The following ATXN10 variants were observed in gnomAD, a reference collection of about 807,000 sequenced individuals.
ATXN10 encodes the protein ataxin-10.
Under a neutral mutation model 52.9 loss-of-function variants are expected in ATXN10, and 28 were observed. The observed-to-expected ratio is 0.53, with a 90% CI of 0.39 to 0.73. The LOEUF (loss-of-function observed/expected upper bound fraction) is 0.73, where lower values mean the gene tolerates loss of function less well. ATXN10 is among the 30% of genes least tolerant of loss of function. ATXN10 has a pLI of 0.00. For missense variants in ATXN10, 565 were observed against 577.0 expected (o/e 0.98, Z 0.21); for synonymous variants, 226 against 221.5 (o/e 1.02, Z -0.18).
At chr22:45,730,228 C>G (rs1195612970) in intron 7 of ATXN10, among the ~76,000 whole-genome samples, 1 of 151,446 alleles carries the variant, frequency 6.6e-6, no homozygotes, top group Admixed American at 6.6e-5. Flanking sequence ...CCTATAGACC[C>G]AGCTACTTGG....
chr22:45,806,983 T>C lies in ATXN10; in HGVS notation c.1198T>C (p.Leu400=). 3 of 1,614,064 alleles carry C rather than the reference T, an allele frequency of 1.9e-6. No individual in the cohort carries two copies. The highest frequency in any genetic ancestry group is 2.5e-6 in the Non-Finnish European group (3 of 1,179,904). ...DKVNELDGIP[L]ILDNCNISDS... ...GGTAAATGAGCTGGATGGTATCCCG[T>C]TGATCCTGGACAACTGCAACATCAG... is the stretch of plus-strand genomic sequence containing the variant. The change falls in exon 10 of 12, where the codon TTG becomes CTG. Residue 400 remains leucine, a synonymous_variant. Transcript: ENST00000252934.
rs567122345 is a variant in ATXN10, at chr22:45,825,765, G to T, written c.1238-17226G>T. Among the ~76,000 whole-genome samples, 1 of 152,172 alleles carries T rather than the reference G, an allele frequency of 6.6e-6. No homozygotes were observed. The highest frequency in any genetic ancestry group is 6.5e-5 in the Admixed American group (1 of 15,276). The stretch of plus-strand genomic sequence containing the variant: ...AAGATGCTCAAGGAACTAAAGGAAC[G>T]TGTGGAAAATCAATAAAACAATATA... On this transcript the variant is annotated intron_variant, in intron 10 of 11. Coordinates refer to ENST00000252934, the MANE Select transcript of ATXN10 (RefSeq NM_013236.4). This position sits in a 1 kb window ranked among gnomAD's most constrained non-coding sequence, Gnocchi z 4.5.
rs1295145945 is a variant in ATXN10, at chr22:45,750,089, A to G, written c.1173+9551A>G. Among the ~76,000 whole-genome samples, 2 of 151,806 alleles carry G rather than the reference A, an allele frequency of 1.3e-5. No individual in the cohort carries two copies. Among genetic ancestry groups the G allele is most frequent in the Non-Finnish European group, 2.9e-5 (2 of 67,936 alleles). On this transcript the variant is annotated intron_variant, in intron 9 of 11. Coordinates refer to ENST00000252934, the MANE Select transcript of ATXN10 (RefSeq NM_013236.4). This position sits in a 1 kb window ranked among gnomAD's most constrained non-coding sequence, Gnocchi z 4.2. The stretch of plus-strand genomic sequence containing the variant: ...GCCATATGATCAATTTTTAGATAAC[A>G]GACGTTTTAATTTAATTTAATTTTA...
At chr22:45,753,096 C>G (rs1404774621) in intron 9 of ATXN10, among the ~76,000 whole-genome samples, 1 of 152,054 alleles carries the variant, frequency 6.6e-6, no homozygotes, top group Non-Finnish European at 1.5e-5. Flanking sequence ...CACTTATTTT[C>G]TCTTGGAGAT....
chr22:45,740,357 T>C lies in ATXN10; in HGVS notation c.1004-12T>C. 1 of 1,613,794 alleles carries C rather than the reference T, an allele frequency of 6.2e-7. No individual in the cohort carries two copies. The highest frequency in any genetic ancestry group is 8.5e-7 in the Non-Finnish European group (1 of 1,179,766). On this transcript the variant is annotated splice_polypyrimidine_tract_variant and intron_variant, in intron 8 of 11. Transcript: ENST00000252934. ...TTTCTGTGGAAAATGAAGTTTACTC[T>C]TTTGGTTATAGATCTTTTGCGGGTG...
At position 45,727,470 on chromosome 22, in the gene ATXN10, C is replaced by T. The variant is rs183247733; in HGVS notation, c.729-1955C>T. ...GCCTCCTGGGTTCAAGTGATTCTTC[C>T]GCCTCAGCCTCCTGAGTAGCTGGAT... On this transcript the variant is annotated intron_variant, in intron 6 of 11. Coordinates refer to ENST00000252934, the MANE Select transcript of ATXN10 (RefSeq NM_013236.4). The surrounding 1 kb of genome is among the most constrained non-coding windows in gnomAD (Gnocchi z 4.6). 1.4e-4 allele frequency among the ~76,000 whole-genome samples: 22 copies of T among 152,080 alleles called. No individual in the cohort carries two copies. Among genetic ancestry groups the T allele is most frequent in the East Asian group, 5.8e-4 (3 of 5,158 alleles).
At chr22:45,740,782 A>G (rs551215729) in intron 9 of ATXN10, 13 of 223,846 alleles carry the variant, frequency 5.8e-5, no homozygotes, top group Admixed American at 5.3e-5. Context: ...ATGTTAATAT[A>G]TAGGCTCTTT....
At chr22:45,808,579 T>C (rs1391915838) in intron 10 of ATXN10, among the ~76,000 whole-genome samples, 1 of 152,234 alleles carries the variant, frequency 6.6e-6, no homozygotes, top group Admixed American at 6.5e-5. Flanking sequence ...TTACACCCAT[T>C]GCCTTATTGA....
chr22:45,754,406 A>T lies in ATXN10; in HGVS notation c.1173+13868A>T, dbSNP rs922057794. Among the ~76,000 whole-genome samples, 2 of 152,232 alleles carry T rather than the reference A, an allele frequency of 1.3e-5. No individual in the cohort carries two copies. The highest frequency in any genetic ancestry group is 6.5e-5 in the Admixed American group (1 of 15,286). ...AATTACTATTGATGACAGCAGTCAC[A>T]GTGACCTTCCATGAATGCCTCCTGC... On this transcript the variant is annotated intron_variant, in intron 9 of 11. Coordinates refer to ENST00000252934, the MANE Select transcript of ATXN10 (RefSeq NM_013236.4). This position sits in a 1 kb window ranked among gnomAD's most constrained non-coding sequence, Gnocchi z 5.4.
chr22:45,812,535 G>A (rs921685066), intron 10 of ATXN10, among the ~76,000 whole-genome samples: 10 of 152,118 alleles, frequency 6.6e-5, no homozygotes, highest in Admixed American at 6.6e-4. Context: ...TCTTTGACTC[G>A]GGTAAATTAA....
chr22:45,793,491 G>T (rs1927590626), intron 9 of ATXN10: 1 of 1,043,382 alleles, frequency 9.6e-7, no homozygotes. Context: ...ATCTCTCACT[G>T]CTCCTTCTGC....
rs548307006 is a variant in ATXN10, at chr22:45,813,953, C to A, written c.1237+6931C>A. Reference sequence around the variant, plus strand: ...TCAACAAAGGCCTCACTGAAGTTCACTGAGAAAAGGATGGTTTTTCTCATA... The same window carrying A: ...TCAACAAAGGCCTCACTGAAGTTCAATGAGAAAAGGATGGTTTTTCTCATA... On this transcript the variant is annotated intron_variant, in intron 10 of 11. Coordinates refer to ENST00000252934, the MANE Select transcript of ATXN10 (RefSeq NM_013236.4). Among the ~76,000 whole-genome samples the A allele has an allele frequency of 1.8e-4, 28 of 152,332 alleles. 1 individual carries two copies. In the South Asian group the frequency reaches 4.6e-3, roughly 25 times the overall value.
In ATXN10 at chr22:45,718,427, C is replaced by T. The variant is rs1237960728; in HGVS notation, c.662C>T (p.Thr221Ile). The change falls in exon 6 of 12, where the codon ACA (threonine) becomes ATA (isoleucine). Residue 221 changes from threonine to isoleucine, a missense_variant. Coordinates refer to ENST00000252934, the MANE Select transcript of ATXN10 (RefSeq NM_013236.4). The surrounding 1 kb of genome is among the most constrained non-coding windows in gnomAD (Gnocchi z 4.4). ...PESEWPFLII[T>I]DLFLKSPELV... ...TTTTTCCCTAGGTTCTTGATTATTA[C>T]AGACCTCTTTCTGAAAAGCCCGGAA... 1 of 1,613,286 alleles carries T rather than the reference C, an allele frequency of 6.2e-7. No individual in the cohort carries two copies. Among genetic ancestry groups the T allele is most frequent in the Non-Finnish European group, 8.5e-7 (1 of 1,179,464 alleles).
intron 9 of ATXN10, among the ~76,000 whole-genome samples, chr22:45,771,430 T>TG (rs1387921919): frequency 6.6e-6 from 1 of 151,016 alleles, no homozygotes; most frequent in Non-Finnish European, 1.5e-5. Context: ...TTTTTTTTTT[T>TG]TCTTGAGATG....
intron 9 of ATXN10, among the ~76,000 whole-genome samples, chr22:45,755,851 A>G (rs1234179639): frequency 6.6e-6 from 1 of 152,162 alleles, no homozygotes; most frequent in Non-Finnish European, 1.5e-5. Flanking sequence ...ATGGGAACAT[A>G]TTATCCCCAT....
rs1399704412 is a variant in ATXN10 at position 45,733,739 on chromosome 22, G to C, written c.894+4149G>C. Among the ~76,000 whole-genome samples, 1 of 150,714 alleles carries C rather than the reference G, an allele frequency of 6.6e-6. No individual in the cohort carries two copies. The highest frequency in any genetic ancestry group is 1.5e-5 in the Non-Finnish European group (1 of 67,796). ...CCATTGCACTTCAGCCTGGGCGACA[G>C]AGCAAGACTCCCATCTTAAAAAAAA... On this transcript the variant is annotated intron_variant, in intron 7 of 11. Transcript: ENST00000252934. The surrounding 1 kb of genome is among the most constrained non-coding windows in gnomAD (Gnocchi z 4.4).
rs1188704720 is a variant in ATXN10 at position 45,828,047 on chromosome 22, A to T, written c.1238-14944A>T. On this transcript the variant is annotated intron_variant, in intron 10 of 11. Coordinates refer to ENST00000252934, the MANE Select transcript of ATXN10 (RefSeq NM_013236.4). The surrounding 1 kb of genome is among the most constrained non-coding windows in gnomAD (Gnocchi z 4.5). ...AGATCAAAGAAGAAATCACAAGGGA[A>T]ATTAGAAAATACTTAGAGGTCAGCT... Among the ~76,000 whole-genome samples, 1 of 152,184 alleles carries T rather than the reference A, an allele frequency of 6.6e-6. No homozygotes were observed. Among genetic ancestry groups the T allele is most frequent in the Admixed American group, 6.5e-5 (1 of 15,280 alleles).
Position 45,812,705 on chromosome 22 carries a change from G to A in ATXN10, c.1237+5683G>A, listed in dbSNP as rs536035768. On this transcript the variant is annotated intron_variant, in intron 10 of 11. Transcript: ENST00000252934. Reference sequence around the variant, plus strand: ...GAGACTAGGAATTAGTGCTGGTGTCGAATATCCACTAATAACACCACCACT... The same window carrying A: ...GAGACTAGGAATTAGTGCTGGTGTCAAATATCCACTAATAACACCACCACT... Among the ~76,000 whole-genome samples, 18 of 152,232 alleles carry A rather than the reference G, an allele frequency of 1.2e-4. No individual in the cohort carries two copies. The South Asian group carries it at 2.7e-3, about 23-fold the overall frequency.
chr22:45,799,912 T>C (rs1037677231), intron 9 of ATXN10, among the ~76,000 whole-genome samples: 18 of 152,166 alleles, frequency 1.2e-4, no homozygotes, highest in Admixed American at 9.2e-4. Flanking sequence ...AGAAAAGATA[T>C]ATTTTTCAAC....
Sources: allele counts gnomAD v4.1 joint callset (sites outside exome capture counted in the v4.1 genomes callset), GRCh38; gene constraint gnomAD v4.1.1; non-coding constraint Gnocchi (gnomAD v3.1); transcripts MANE v1.5; gene names NCBI Gene and HGNC (gene_info 2026-07-23, HGNC 2026-07-21).